Variants in SHISA9 observed in about 807,000 individuals in gnomAD.
SHISA9 encodes the protein shisa family member 9, also known as protein shisa-9.
SHISA9 carries 13 observed loss-of-function variants against 38.0 expected under a neutral mutation model. The ratio of observed to expected loss-of-function variants is 0.34; its 90% CI spans 0.22 to 0.54. The LOEUF is 0.54. Ranked by LOEUF, SHISA9 falls within the 20% of genes least tolerant of loss-of-function variation. SHISA9 has a pLI of 0.91. For synonymous variants in SHISA9, 275 were observed against 242.0 expected (o/e 1.14, Z -1.27); for missense variants, 538 against 575.8 (o/e 0.93, Z 0.67).
At chr16:13,392,210 T>C in the SHISA9 span, among the ~76,000 whole-genome samples, 1 of 152,146 alleles carries the variant, frequency 6.6e-6, no homozygotes, top group Non-Finnish European at 1.5e-5. Flanking sequence ...TAACTCCCAG[T>C]GCCTTAGAAT....
chr16:13,314,487 A>G, the SHISA9 span, among the ~76,000 whole-genome samples: 73,496 of 151,312 alleles, frequency 0.49, 18,015 homozygotes, highest in Middle Eastern at 0.54. Context: ...TGATCCTCCC[A>G]CCTCGGTCTC....
chr16:13,001,259 G>T (rs1384185084), intron 2 of SHISA9, among the ~76,000 whole-genome samples: 1 of 152,160 alleles, frequency 6.6e-6, no homozygotes, highest in Admixed American at 6.5e-5. Flanking sequence ...CAACTTTCTT[G>T]TTGGCTTGTG....
the SHISA9 span, among the ~76,000 whole-genome samples, chr16:13,379,095 C>A: frequency 2.6e-5 from 4 of 152,298 alleles, no homozygotes; most frequent in Non-Finnish European, 5.9e-5. Flanking sequence ...ACTCAAGATA[C>A]CTCCATCCTT....
At chr16:13,518,828 C>A in the SHISA9 span, among the ~76,000 whole-genome samples, 2 of 152,182 alleles carry the variant, frequency 1.3e-5, no homozygotes, top group African/African-American at 4.8e-5. Flanking sequence ...AGTCCAAGAT[C>A]AAAGGGCCAG....
chr16:13,401,136 A>G, the SHISA9 span, among the ~76,000 whole-genome samples: 3 of 152,220 alleles, frequency 2.0e-5, no homozygotes, highest in South Asian at 2.1e-4. Flanking sequence ...CCCAAGGATT[A>G]AATAGAATTT....
intron 2 of SHISA9, among the ~76,000 whole-genome samples, chr16:12,986,180 C>G (rs1378260380): frequency 6.6e-6 from 1 of 152,136 alleles, no homozygotes; most frequent in Non-Finnish European, 1.5e-5. Context: ...TCTACAGAAC[C>G]CCATTGAAGA....
the SHISA9 span, among the ~76,000 whole-genome samples, chr16:13,461,739 G>A: frequency 2.7e-5 from 4 of 148,208 alleles, no homozygotes; most frequent in East Asian, 2.1e-4. Flanking sequence ...TCAGCCTCTC[G>A]AGTAGCTGGG....
At chr16:13,104,004 T>A (rs1172141498) in intron 2 of SHISA9, among the ~76,000 whole-genome samples, 2 of 152,142 alleles carry the variant, frequency 1.3e-5, no homozygotes, top group Non-Finnish European at 2.9e-5. Context: ...CAGCCATTAG[T>A]TTCTCCATCT....
intron 2 of SHISA9, among the ~76,000 whole-genome samples, chr16:12,942,063 C>G (rs547839777): frequency 2.9e-4 from 44 of 152,074 alleles, no homozygotes; most frequent in Non-Finnish European, 5.3e-4. Flanking sequence ...TTGGGACCCT[C>G]AGTGCAGTGA....
chr16:13,453,927 A>G, the SHISA9 span, among the ~76,000 whole-genome samples: 8 of 152,218 alleles, frequency 5.3e-5, no homozygotes, highest in Admixed American at 4.6e-4. Flanking sequence ...GATCTATGTT[A>G]TAATACCCTC....
intron 4 of SHISA9, among the ~76,000 whole-genome samples, chr16:13,233,634 T>G (rs1202713601): frequency 4.6e-5 from 7 of 152,242 alleles, no homozygotes; most frequent in African/African-American, 1.7e-4. Flanking sequence ...CATGGTTTTG[T>G]GTCCAATAAA....
At chr16:13,394,605 G>A in the SHISA9 span, among the ~76,000 whole-genome samples, 1 of 152,026 alleles carries the variant, frequency 6.6e-6, no homozygotes, top group Admixed American at 6.6e-5. Context: ...TCTAGCTCTC[G>A]GTCTAAGTGT....
At chr16:13,467,821 A>C in the SHISA9 span, among the ~76,000 whole-genome samples, 1 of 151,950 alleles carries the variant, frequency 6.6e-6, no homozygotes, top group Non-Finnish European at 1.5e-5. Context: ...TTTTCTATTC[A>C]CCTAACACCA....
the SHISA9 span, among the ~76,000 whole-genome samples, chr16:13,245,957 A>G: frequency 6.6e-6 from 1 of 152,152 alleles, no homozygotes; most frequent in East Asian, 1.9e-4. Context: ...AGTTAATACC[A>G]ATGTCCTCCC....
At chr16:13,100,767 A>T (rs1003875142) in intron 2 of SHISA9, among the ~76,000 whole-genome samples, 3 of 152,100 alleles carry the variant, frequency 2.0e-5, no homozygotes, top group African/African-American at 7.2e-5. Context: ...GAGTGCAGTG[A>T]TGTGATCTTG....
chr16:13,483,225 A>G, the SHISA9 span, among the ~76,000 whole-genome samples: 1 of 152,168 alleles, frequency 6.6e-6, no homozygotes, highest in Non-Finnish European at 1.5e-5. Context: ...GATGTAGCCT[A>G]TAAATATGTA....
intron 3 of SHISA9, among the ~76,000 whole-genome samples, chr16:13,207,491 G>T (rs1285738141): frequency 6.6e-6 from 1 of 152,140 alleles, no homozygotes; most frequent in Non-Finnish European, 1.5e-5. Flanking sequence ...GGAATAGCTT[G>T]GTTGTAAGGA....
the SHISA9 span, among the ~76,000 whole-genome samples, chr16:13,526,781 C>A: frequency 6.6e-6 from 1 of 152,114 alleles, no homozygotes; most frequent in South Asian, 2.1e-4. Context: ...CTACCCCAGA[C>A]CGATTAATGC....
chr16:13,065,595 G>A (rs1567200191), intron 2 of SHISA9, among the ~76,000 whole-genome samples: 2 of 152,226 alleles, frequency 1.3e-5, no homozygotes. Context: ...TTTCTTTTCT[G>A]CTTTTAATGT....
Sources: gnomAD v4.1 joint callset for allele counts (sites outside exome capture counted in the v4.1 genomes callset) on GRCh38, gnomAD v4.1.1 for gene constraint, MANE v1.5 for transcripts, NCBI Gene and HGNC (gene_info 2026-07-23, HGNC 2026-07-21) for gene names.